ANK2: variants seen among roughly 807,000 people sequenced by gnomAD.
ANK2 encodes ankyrin-2.
In ANK2, 83 loss-of-function variants were observed where a neutral mutation model predicts 360.5. That is an observed-to-expected ratio of 0.23 (90% CI 0.19 to 0.28). The LOEUF is 0.28. Among genes scored for constraint, ANK2 ranks in the 10% least tolerant of loss-of-function variants. The pLI, the probability that ANK2 is intolerant of heterozygous loss-of-function variation, is 1.00. For missense variants in ANK2, 4,201 were observed against 4,795.7 expected (o/e 0.88, Z 3.66); for synonymous variants, 1,740 against 1,759.5 (o/e 0.99, Z 0.28).
chr4:113,017,391 A>G (rs1216890505), intron 2 of ANK2, among the ~76,000 whole-genome samples: 2 of 151,972 alleles, frequency 1.3e-5, no homozygotes, highest in Admixed American at 1.3e-4. Context: ...GATGAAGCCC[A>G]GACTGCTCCA....
chr4:113,321,995 G>T (rs996315547), intron 26 of ANK2, among the ~76,000 whole-genome samples: 6 of 152,190 alleles, frequency 3.9e-5, no homozygotes, highest in Non-Finnish European at 8.8e-5. Flanking sequence ...GCCTCCCAAA[G>T]TGTTGGGTTT....
chr4:113,363,322 G>A lies in ANK2; in HGVS notation c.10757-16G>A, dbSNP rs2096339887. 1.2e-6 allele frequency: 2 copies of A among 1,611,690 alleles called. No individual in the cohort carries two copies. Among genetic ancestry groups the A allele is most frequent in the Non-Finnish European group, 1.7e-6 (2 of 1,178,778 alleles). On this transcript the variant is annotated splice_polypyrimidine_tract_variant and intron_variant, in intron 39 of 45. Transcript: ENST00000357077. ...TTGAAGTTAATGTGTTTACAAAGTA[G>A]TATTTTATCTTCTAGAATTAGCAAG... is the stretch of plus-strand genomic sequence containing the variant.
rs192185711 is a variant in ANK2, at chr4:113,380,587, G to A, written c.11860-870G>A. On this transcript the variant is annotated intron_variant, in intron 45 of 45. Transcript: ENST00000357077. The stretch of plus-strand genomic sequence containing the variant: ...TGAGGCCAGAGAATCGCTTGAACCC[G>A]GGAGGCAGAGGTTGCAGTGAGCCAA... Among the ~76,000 whole-genome samples the A allele has an allele frequency of 1.5e-3, 221 of 152,282 alleles. 7 individuals are homozygous for A. The East Asian group carries it at 0.037, about 26-fold the overall frequency.
intron 23 of ANK2, among the ~76,000 whole-genome samples, chr4:113,305,301 C>T (rs2076758408): frequency 7.3e-6 from 1 of 136,268 alleles, no homozygotes; most frequent in Non-Finnish European, 1.5e-5. Flanking sequence ...GATCCCGCCA[C>T]TGCACTCCAG....
chr4:113,261,357 A>C (rs947863677), intron 13 of ANK2, among the ~76,000 whole-genome samples: 1 of 152,234 alleles, frequency 6.6e-6, no homozygotes, highest in Non-Finnish European at 1.5e-5. Flanking sequence ...GCAAGGTCTT[A>C]CAAAGTTTTA....
At chr4:112,907,229 C>T (rs528911279) in intron 2 of ANK2, among the ~76,000 whole-genome samples, 2 of 152,264 alleles carry the variant, frequency 1.3e-5, no homozygotes, top group East Asian at 3.9e-4. Context: ...CTTCAGTTTG[C>T]TGACTTTGAA....
chr4:112,849,540 TA>T (rs1347698975), intron 1 of ANK2, among the ~76,000 whole-genome samples: 1 of 152,212 alleles, frequency 6.6e-6, no homozygotes, highest in Non-Finnish European at 1.5e-5. Flanking sequence ...TGTTATCTCT[TA>T]CCTGTCGAGG....
intron 23 of ANK2, among the ~76,000 whole-genome samples, chr4:113,306,688 CAT>C (rs531431415): frequency 6.6e-6 from 1 of 151,086 alleles, no homozygotes; most frequent in Admixed American, 6.6e-5. Flanking sequence ...TATCATTCCA[CAT>C]ATATATATAT....
chr4:113,117,469 C>T (rs927146600), intron 1 of ANK2: 5 of 451,518 alleles, frequency 1.1e-5, no homozygotes, highest in African/African-American at 1.0e-4. Flanking sequence ...TGTGTAGCAC[C>T]ATCAGCCTCA....
intron 1 of ANK2, among the ~76,000 whole-genome samples, chr4:113,053,012 G>A (rs2067840278): frequency 6.6e-6 from 1 of 152,170 alleles, no homozygotes; most frequent in Non-Finnish European, 1.5e-5. Flanking sequence ...GGCAAGAGAG[G>A]GAGATGTTTG....
intron 2 of ANK2, among the ~76,000 whole-genome samples, chr4:113,178,674 G>A (rs2098311484): frequency 6.6e-6 from 1 of 152,074 alleles, no homozygotes; most frequent in South Asian, 2.1e-4. Flanking sequence ...ATAAAGATTA[G>A]GGAAATACAG....
chr4:113,317,614 G>A (rs569615305), intron 24 of ANK2, 93 bp from the exon 25 acceptor site: 79 of 956,006 alleles, frequency 8.3e-5, no homozygotes, highest in African/African-American at 2.2e-4. Context: ...CTAATAGCAC[G>A]CTTTTTTCAC....
chr4:112,760,322 G>T, the ANK2 span, among the ~76,000 whole-genome samples: 1 of 151,906 alleles, frequency 6.6e-6, no homozygotes, highest in Non-Finnish European at 1.5e-5. Flanking sequence ...GAGTAGCTGG[G>T]ACTACAGGCG....
chr4:112,974,899 AAAG>A (rs1169279971), intron 2 of ANK2, among the ~76,000 whole-genome samples: 7 of 152,096 alleles, frequency 4.6e-5, no homozygotes, highest in South Asian at 2.1e-4. Flanking sequence ...TGAAAGTAGG[AAAG>A]AAGGATTATC....
the ANK2 span, among the ~76,000 whole-genome samples, chr4:112,774,274 C>G: frequency 6.6e-6 from 1 of 151,994 alleles, no homozygotes; most frequent in African/African-American, 2.4e-5. Context: ...CGCCTGTAAT[C>G]CTAGCACTTT....
At chr4:112,862,268 G>C (rs1296773412) in intron 1 of ANK2, among the ~76,000 whole-genome samples, 1 of 152,094 alleles carries the variant, frequency 6.6e-6, no homozygotes, top group Non-Finnish European at 1.5e-5. Context: ...GACAGATTTA[G>C]GATACAATAT....
intron 1 of ANK2, among the ~76,000 whole-genome samples, chr4:113,058,555 C>T (rs1204329260): frequency 2.0e-5 from 3 of 152,068 alleles, no homozygotes; most frequent in South Asian, 2.1e-4. Context: ...AGATTTTGGT[C>T]CTCTTTTTGT....
chr4:113,051,559 C>A (rs1389042514), intron 1 of ANK2, among the ~76,000 whole-genome samples: 1 of 152,122 alleles, frequency 6.6e-6, no homozygotes. Flanking sequence ...TGTGTCAGAG[C>A]ACCATGAATA....
intron 6 of ANK2, 78 bp from the exon 7 acceptor site, chr4:113,237,521 C>A: frequency 7.1e-7 from 1 of 1,400,830 alleles, no homozygotes; most frequent in Non-Finnish European, 1.0e-6. Context: ...TACCCAATTG[C>A]AGCGAGCAGA....
Sources: gnomAD v4.1 joint callset for allele counts (sites outside exome capture counted in the v4.1 genomes callset) on GRCh38, gnomAD v4.1.1 for gene constraint, MANE v1.5 for transcripts, NCBI Gene and HGNC (gene_info 2026-07-23, HGNC 2026-07-21) for gene names.